Variants in SLTM observed in about 807,000 individuals in gnomAD.
SLTM encodes SAFB like transcription modulator, also known as SAFB-like transcription modulator.
A neutral mutation model predicts 134.6 loss-of-function variants in SLTM; 43 were observed. The ratio of observed to expected loss-of-function variants is 0.32; its 90% CI spans 0.25 to 0.41. The LOEUF is 0.41. Among genes scored for constraint, SLTM ranks in the 10% least tolerant of loss-of-function variants. The pLI, the probability that SLTM is intolerant of heterozygous loss-of-function variation, is 1.00. For synonymous variants in SLTM, 424 were observed against 432.3 expected (o/e 0.98, Z 0.24); for missense variants, 1,055 against 1,288.8 (o/e 0.82, Z 2.78).
intron 6 of SLTM, 174 bp downstream of exon 6, chr15:58,901,086 A>C (rs2035456717): frequency 3.3e-6 from 2 of 608,116 alleles, no homozygotes; most frequent in Non-Finnish European, 5.8e-6. Flanking sequence ...TAGTGTTCAA[A>C]AGAAAATTAA....
chr15:58,924,860 C>T (rs1328854993), intron 2 of SLTM, among the ~76,000 whole-genome samples: 1 of 152,154 alleles, frequency 6.6e-6, no homozygotes, highest in Non-Finnish European at 1.5e-5. Flanking sequence ...CTTGCTCTAT[C>T]GCCCAGGGTG....
At chr15:58,890,534 A>T in intron 14 of SLTM, 73 bp from the exon 15 acceptor site, 1 of 1,450,902 alleles carries the variant, frequency 6.9e-7, no homozygotes, top group Non-Finnish European at 9.2e-7. Context: ...TTTGAATTTG[A>T]ATTTTTCCTT....
At chr15:58,892,232 T>C (rs150298961) in intron 14 of SLTM, among the ~76,000 whole-genome samples, 87 of 152,276 alleles carry the variant, frequency 5.7e-4, no homozygotes, top group African/African-American at 2.0e-3. Flanking sequence ...CATCCAAAAA[T>C]TGATATACAA....
chr15:58,928,440 C>T (rs778260620), intron 2 of SLTM, among the ~76,000 whole-genome samples: 69 of 152,096 alleles, frequency 4.5e-4, no homozygotes, highest in Non-Finnish European at 8.4e-4. Context: ...GAAAGCCATT[C>T]TAAGATACAA....
rs777878344 is a variant in SLTM at position 58,910,509 on chromosome 15, G to C, written c.561+2054C>G. On this transcript the variant is annotated intron_variant, in intron 5 of 20. Coordinates refer to ENST00000380516, the MANE Select transcript of SLTM (RefSeq NM_024755.4). ...GAAATACATAACTGTTCTTCCTTCA[G>C]ATATATTTCCATCTGTTTAAAAATT... Among the ~76,000 whole-genome samples, 53 of 152,090 alleles carry C rather than the reference G, an allele frequency of 3.5e-4. 1 individual carries two copies. The highest frequency in any genetic ancestry group is 6.8e-4 in the Non-Finnish European group (46 of 68,012).
At chr15:58,890,059 A>G in intron 15 of SLTM, 1 of 569,536 alleles carries the variant, frequency 1.8e-6, no homozygotes, top group East Asian at 2.9e-5. Context: ...CTGCCATGAT[A>G]TTGCAGAGCT....
chr15:58,932,342 T>G lies in SLTM; in HGVS notation c.250+14A>C. 1 of 1,593,324 alleles carries G rather than the reference T, an allele frequency of 6.3e-7. No homozygotes were observed. Among genetic ancestry groups the G allele is most frequent in the Non-Finnish European group, 8.6e-7 (1 of 1,161,192 alleles). ...CAAAATATATTTTAAAACATGTTCA[T>G]AACTCGTAACAACCTTTGCCTTTAG... On this transcript the variant is annotated intron_variant, in intron 2 of 20. Coordinates refer to ENST00000380516, the MANE Select transcript of SLTM (RefSeq NM_024755.4).
At chr15:58,907,386 C>T (rs541727947) in intron 5 of SLTM, among the ~76,000 whole-genome samples, 23 of 152,204 alleles carry the variant, frequency 1.5e-4, no homozygotes, top group African/African-American at 5.1e-4. Context: ...CTTTGGGAGG[C>T]CGAGATGGGT....
At position 58,929,424 on chromosome 15, in the gene SLTM, G is replaced by C. The variant is rs1034582750; in HGVS notation, c.250+2932C>G. Among the ~76,000 whole-genome samples, 7 of 151,926 alleles carry C rather than the reference G, an allele frequency of 4.6e-5. No individual in the cohort carries two copies. In the East Asian group the frequency reaches 7.7e-4, roughly 17 times the overall value. On this transcript the variant is annotated intron_variant, in intron 2 of 20. Transcript: ENST00000380516. ...GATCACACCATTGCACTCTAGCCTG[G>C]GTGACAAGAGCGAAACTCCATCTCA...
At chr15:58,909,794 C>T (rs2036128789) in intron 5 of SLTM, among the ~76,000 whole-genome samples, 1 of 152,178 alleles carries the variant, frequency 6.6e-6, no homozygotes, top group Non-Finnish European at 1.5e-5. Flanking sequence ...TTGAACACCA[C>T]CACAGGAATG....
chr15:58,879,707 A>C lies in SLTM; in HGVS notation c.*292T>G, dbSNP rs1473646337. 4.2e-6 allele frequency: 1 copy of C among 239,946 alleles called. No individual in the cohort carries two copies. The highest frequency in any genetic ancestry group is 8.1e-6 in the Non-Finnish European group (1 of 123,712). The allele number at this position is 239,946 out of a possible 1,614,324, so 14.9% of individuals were successfully genotyped here. Reference sequence around the variant, plus strand: ...TTAAACCACTACCACACAGCTGCAAACTACTCTTTATATTCACACAGCGTT... The same window carrying C: ...TTAAACCACTACCACACAGCTGCAACCTACTCTTTATATTCACACAGCGTT... On this transcript the variant is annotated 3_prime_UTR_variant, in exon 21 of 21. Transcript: ENST00000380516.
At chr15:58,894,285 A>G in intron 10 of SLTM, 92 bp from the exon 11 acceptor site, 2 of 1,403,028 alleles carry the variant, frequency 1.4e-6, no homozygotes, top group Non-Finnish European at 2.0e-6. Context: ...TTTGGAAACG[A>G]TAGGAAAAAT....
At chr15:58,923,890 C>A (rs2037280667) in intron 2 of SLTM, among the ~76,000 whole-genome samples, 1 of 138,340 alleles carries the variant, frequency 7.2e-6, no homozygotes. Context: ...TCTTGGCTCA[C>A]TGCAACCTCT....
At chr15:58,904,786 C>G (rs1319191926) in intron 5 of SLTM, among the ~76,000 whole-genome samples, 3 of 152,078 alleles carry the variant, frequency 2.0e-5, no homozygotes, top group Non-Finnish European at 4.4e-5. Context: ...TCTCGGCTAA[C>G]TGAACCCTCC....
chr15:58,881,501 T>A (rs1258844510), intron 20 of SLTM, among the ~76,000 whole-genome samples: 2 of 149,476 alleles, frequency 1.3e-5, no homozygotes, highest in African/African-American at 4.9e-5. Context: ...CACTCCAGCT[T>A]GGGGGACAGA....
At chr15:58,908,072 T>TGAAA (rs1250707896) in intron 5 of SLTM, among the ~76,000 whole-genome samples, 1 of 151,060 alleles carries the variant, frequency 6.6e-6, no homozygotes, top group South Asian at 2.1e-4. Flanking sequence ...CTTTTTTTTT[T>TGAAA]TTAAGACAGA....
At chr15:58,881,047 A>G (rs1333487950) in intron 20 of SLTM, among the ~76,000 whole-genome samples, 4 of 151,846 alleles carry the variant, frequency 2.6e-5, no homozygotes, top group Non-Finnish European at 5.9e-5. Context: ...GGCCGGGCGC[A>G]GTGGCTCACG....
At chr15:58,933,313 G>A in intron 1 of SLTM, 91 bp downstream of exon 1, 2 of 1,398,978 alleles carry the variant, frequency 1.4e-6, no homozygotes, top group South Asian at 1.4e-5. Context: ...CCCAGCGGCT[G>A]CGGGCAGCCG....
intron 2 of SLTM, among the ~76,000 whole-genome samples, chr15:58,929,878 T>C (rs2037746998): frequency 6.6e-6 from 1 of 152,190 alleles, no homozygotes; most frequent in Non-Finnish European, 1.5e-5. Context: ...AAGAGCATTC[T>C]TTAATAAGTA....
Sources: gnomAD v4.1 joint callset for allele counts (sites outside exome capture counted in the v4.1 genomes callset) on GRCh38, gnomAD v4.1.1 for gene constraint, MANE v1.5 for transcripts, NCBI Gene and HGNC (gene_info 2026-07-23, HGNC 2026-07-21) for gene names.